Variants in FGD6 observed in about 807,000 individuals in gnomAD.
The protein encoded by FGD6 is FYVE, RhoGEF and PH domain containing 6.
FGD6 carries 90 observed loss-of-function variants against 149.4 expected under a neutral mutation model. The ratio of observed to expected loss-of-function variants is 0.60; its 90% CI spans 0.51 to 0.72. The LOEUF (loss-of-function observed/expected upper bound fraction) is 0.72. Among genes scored for constraint, FGD6 ranks in the 30% least tolerant of loss-of-function variants. The probability of loss-of-function intolerance (pLI) is 0.00; values close to 1 mark genes in which losing one functional copy is unlikely to be tolerated. For missense variants in FGD6, 1,437 were observed against 1,684.8 expected (o/e 0.85, Z 2.57); for synonymous variants, 527 against 584.0 (o/e 0.90, Z 1.41).
In FGD6 at chr12:95,077,024, A is replaced by C. The variant is rs1281607114; in HGVS notation, c.*4496T>G. On this transcript the variant is annotated 3_prime_UTR_variant, in exon 21 of 21. Transcript: ENST00000343958. ...GAAAGGAATTTGATATTTAGGCTTT[A>C]AAAAATTTCCTACTACCTTTATCTT... The C allele has an allele frequency of 2.0e-5, 3 of 152,184 alleles. No individual in the cohort carries two copies. The highest frequency in any genetic ancestry group is 4.4e-5 in the Non-Finnish European group (3 of 68,032). The allele number at this position is 152,184 out of a possible 1,614,324, so 9.4% of individuals were successfully genotyped here.
rs1297235978 is a variant in FGD6 at position 95,080,668 on chromosome 12, C to G, written c.*852G>C. On this transcript the variant is annotated 3_prime_UTR_variant, in exon 21 of 21. Transcript: ENST00000343958. ...ACAAATATCATCATTGACTTGGGCT[C>G]AGAACTCTTATAATAGCAGGGAATA... 1 of 151,990 alleles carries G rather than the reference C, an allele frequency of 6.6e-6. No homozygotes were observed. The highest frequency in any genetic ancestry group is 1.5e-5 in the Non-Finnish European group (1 of 68,014). The allele number at this position is 151,990 out of a possible 1,614,324, so 9.4% of individuals were successfully genotyped here.
intron 14 of FGD6, among the ~76,000 whole-genome samples, chr12:95,098,303 A>G (rs1462700649): frequency 6.6e-6 from 1 of 152,130 alleles, no homozygotes; most frequent in East Asian, 1.9e-4. Flanking sequence ...GTGTCCAATC[A>G]GTCCCCTCCT....
At chr12:95,085,959 C>T in intron 18 of FGD6, 51 bp from the exon 19 acceptor site, 3 of 1,540,412 alleles carry the variant, frequency 1.9e-6, no homozygotes, top group Non-Finnish European at 2.6e-6. Flanking sequence ...CAAATTATAA[C>T]AGCAAAATTA....
At chr12:95,116,809 T>C (rs1375366504) in intron 8 of FGD6, 1 of 455,972 alleles carries the variant, frequency 2.2e-6, no homozygotes, top group East Asian at 6.9e-5. Flanking sequence ...GGGCATCTTC[T>C]TGCAGTATAT....
chr12:95,153,942 TGTGTGAGTGAGA>T (rs1325447760), intron 3 of FGD6, among the ~76,000 whole-genome samples: 1 of 131,802 alleles, frequency 7.6e-6, no homozygotes, highest in African/African-American at 2.9e-5. Flanking sequence ...TGTGTGTGTG[TGTGTGAGTGAGA>T]GAGAGAAGAG....
chr12:95,095,870 C>T (rs896610203), intron 14 of FGD6, among the ~76,000 whole-genome samples: 15 of 151,798 alleles, frequency 9.9e-5, no homozygotes, highest in African/African-American at 2.9e-4. Flanking sequence ...AAAAGTTAGC[C>T]GGGTGTGGTG....
Position 95,114,532 on chromosome 12 carries a change from C to A in FGD6, c.3083-831G>T, listed in dbSNP as rs576461873. On this transcript the variant is annotated intron_variant, in intron 8 of 20. Transcript: ENST00000343958. ...CTAAATATCTTATAATGCAGCCCTG[C>A]AACAAAAAAAAAAATTATCTGACCC... is the stretch of plus-strand genomic sequence containing the variant. 3.4e-5 allele frequency among the ~76,000 whole-genome samples: 5 copies of A among 145,840 alleles called. No homozygotes were observed. The East Asian group carries it at 1.0e-3, about 29-fold the overall frequency.
intron 8 of FGD6, chr12:95,116,692 C>T: frequency 2.6e-6 from 1 of 379,434 alleles, no homozygotes; most frequent in South Asian, 2.0e-5. Context: ...GTTTACCCTC[C>T]TTGCCAATTT....
chr12:95,081,177 G>A lies in FGD6; in HGVS notation c.*343C>T. 6.2e-6 allele frequency: 1 copy of A among 161,244 alleles called. No homozygotes were observed. The highest frequency in any genetic ancestry group is 1.4e-5 in the Non-Finnish European group (1 of 73,770). 10.0% of individuals were successfully genotyped at this position (161,244 alleles called of 1,614,324 possible). A position where few individuals can be genotyped will look rare whatever the true frequency, so the allele number is the denominator to read the frequency against. On this transcript the variant is annotated 3_prime_UTR_variant, in exon 21 of 21. Coordinates refer to ENST00000343958, the MANE Select transcript of FGD6 (RefSeq NM_018351.4). The stretch of plus-strand genomic sequence containing the variant: ...TTTCCACCAGTAAGATTGTTACAAT[G>A]TAAGGTAAGAAAACAGTGTGAACTA...
intron 3 of FGD6, among the ~76,000 whole-genome samples, chr12:95,167,568 C>T (rs1414509860): frequency 1.6e-5 from 2 of 128,308 alleles, no homozygotes; most frequent in Non-Finnish European, 3.1e-5. Context: ...GATCTTTTTA[C>T]TGTTTGAGGT....
At chr12:95,106,434 C>T (rs1878627168) in intron 13 of FGD6, among the ~76,000 whole-genome samples, 1 of 76,526 alleles carries the variant, frequency 1.3e-5, no homozygotes, top group Non-Finnish European at 2.7e-5. Flanking sequence ...CCACGCCTGG[C>T]TAATTTTTGT....
At chr12:95,154,090 G>A (rs369741757) in intron 3 of FGD6, among the ~76,000 whole-genome samples, 10 of 152,206 alleles carry the variant, frequency 6.6e-5, no homozygotes, top group East Asian at 1.9e-4. Flanking sequence ...CTCCCGAGTA[G>A]CTGGGACTAC....
intron 2 of FGD6, among the ~76,000 whole-genome samples, chr12:95,187,221 C>T (rs1054357360): frequency 1.3e-5 from 2 of 151,596 alleles, no homozygotes; most frequent in Admixed American, 1.3e-4. Flanking sequence ...GTCCCAACTA[C>T]TCGGAAGGCT....
At chr12:95,153,593 A>G (rs962133378) in intron 3 of FGD6, among the ~76,000 whole-genome samples, 1 of 152,158 alleles carries the variant, frequency 6.6e-6, no homozygotes, top group African/African-American at 2.4e-5. Context: ...CTCAGAAGGC[A>G]GAGGTTGCAG....
intron 3 of FGD6, 99 bp downstream of exon 3, chr12:95,172,501 T>A (rs1881022546): frequency 6.3e-6 from 7 of 1,119,654 alleles, no homozygotes; most frequent in Non-Finnish European, 8.5e-6. Context: ...TTTTATAAGT[T>A]TTAAGAAAAC....
chr12:95,184,105 T>C (rs1466069158), intron 2 of FGD6, among the ~76,000 whole-genome samples: 2 of 152,184 alleles, frequency 1.3e-5, no homozygotes, highest in African/African-American at 4.8e-5. Context: ...GAATGCTAAA[T>C]GTTACATTAT....
At chr12:95,195,783 T>G (rs1592872766) in intron 2 of FGD6, among the ~76,000 whole-genome samples, 3 of 92,594 alleles carry the variant, frequency 3.2e-5, no homozygotes, top group Admixed American at 1.3e-4. Flanking sequence ...GGGAGGGGGG[T>G]GGGTGTGGGT....
At chr12:95,140,895 T>A (rs926617908) in intron 6 of FGD6, among the ~76,000 whole-genome samples, 10 of 152,068 alleles carry the variant, frequency 6.6e-5, no homozygotes, top group African/African-American at 2.4e-4. Flanking sequence ...AGTATTGAGC[T>A]TGGTGTGCCA....
chr12:95,126,145 A>C, intron 8 of FGD6: 1 of 1,039,344 alleles, frequency 9.6e-7, no homozygotes, highest in South Asian at 1.3e-5. Flanking sequence ...GAAGTTAACA[A>C]GCTTCAAAAG....
Sources: allele counts gnomAD v4.1 joint callset (sites outside exome capture counted in the v4.1 genomes callset), GRCh38; gene constraint gnomAD v4.1.1; transcripts MANE v1.5; gene names NCBI Gene and HGNC (gene_info 2026-07-23, HGNC 2026-07-21).